The following MOV10L1 variants were observed in gnomAD, a reference collection of about 807,000 sequenced individuals.
MOV10L1 encodes Mov10 like RNA helicase 1, also known as RNA helicase Mov10l1.
Under a neutral mutation model 143.8 loss-of-function variants are expected in MOV10L1, and 110 were observed. The observed-to-expected ratio is 0.76, with a 90% CI of 0.66 to 0.90. The LOEUF is 0.90. Ranked by LOEUF, MOV10L1 falls within the 40% of genes least tolerant of loss-of-function variation. The pLI is 0.00. For synonymous variants in MOV10L1, 593 were observed against 581.1 expected (o/e 1.02, Z -0.29); for missense variants, 1,406 against 1,526.8 (o/e 0.92, Z 1.32).
intron 11 of MOV10L1, 99 bp downstream of exon 11, chr22:50,125,668 G>A (rs779245552): frequency 9.8e-6 from 12 of 1,228,816 alleles, no homozygotes; most frequent in Middle Eastern, 2.9e-4. Flanking sequence ...TCACATTATC[G>A]CATTTTCTTT....
chr22:50,101,731 C>T (rs1447125010), intron 3 of MOV10L1, among the ~76,000 whole-genome samples: 1 of 152,104 alleles, frequency 6.6e-6, no homozygotes, highest in African/African-American at 2.4e-5. Context: ...AGGCTGGTCT[C>T]GAACTCTTGA....
At position 50,130,206 on chromosome 22, in the gene MOV10L1, C is replaced by T. The variant is rs565982391; in HGVS notation, c.1910+1699C>T. The stretch of plus-strand genomic sequence containing the variant: ...AGGAGAATTGCTTGAACCCAGGAGG[C>T]GGAGGTTGCGGTGAGCTGAGATCAT... On this transcript the variant is annotated intron_variant, in intron 13 of 26. Transcript: ENST00000262794. 1.5e-3 allele frequency among the ~76,000 whole-genome samples: 229 copies of T among 152,126 alleles called. 1 individual carries two copies. Among genetic ancestry groups the T allele is most frequent in the African/African-American group, 5.2e-3 (214 of 41,504 alleles).
chr22:50,134,074 T>G lies in MOV10L1; in HGVS notation c.1969+9T>G. ...CCACTTAGGTGTAAAAGGTATTACT[T>G]TTATAGAATGATAGTGTTACATCTT... is the stretch of plus-strand genomic sequence containing the variant. On this transcript the variant is annotated intron_variant, in intron 14 of 26. Transcript: ENST00000262794. 6.2e-7 allele frequency: 1 copy of G among 1,601,274 alleles called. No individual in the cohort carries two copies. Among genetic ancestry groups the G allele is most frequent in the Non-Finnish European group, 8.5e-7 (1 of 1,173,874 alleles).
In MOV10L1 at chr22:50,090,087, C is replaced by A; in HGVS notation, c.-2C>A. On this transcript the variant is annotated 5_prime_UTR_variant, in exon 1 of 27. Transcript: ENST00000262794. ...GACGGCAGCCTAGGCCGGGCGAGGG[C>A]CATGCTGAGCCTCGCAGCCAAGCTG... The A allele has an allele frequency of 2.3e-6, 3 of 1,322,634 alleles. No individual in the cohort carries two copies. Among genetic ancestry groups the A allele is most frequent in the Non-Finnish European group, 2.9e-6 (3 of 1,035,996 alleles). 81.9% of individuals were successfully genotyped at this position (1,322,634 alleles called of 1,614,324 possible).
chr22:50,144,283 C>T (rs1214317305), intron 18 of MOV10L1, 40 bp downstream of exon 18: 1 of 1,562,388 alleles, frequency 6.4e-7, no homozygotes, highest in Admixed American at 1.7e-5. Flanking sequence ...ACCAGAACCC[C>T]TCCCTGGAAC....
chr22:50,105,940 T>C (rs1428577649), intron 3 of MOV10L1, among the ~76,000 whole-genome samples: 1 of 152,252 alleles, frequency 6.6e-6, no homozygotes, highest in Non-Finnish European at 1.5e-5. Context: ...GTGTGCGCTA[T>C]AGCCATCTGA....
intron 15 of MOV10L1, among the ~76,000 whole-genome samples, chr22:50,137,893 AT>A (rs1325995055): frequency 1.3e-5 from 2 of 149,440 alleles, no homozygotes; most frequent in Non-Finnish European, 3.0e-5. Context: ...ATATACACAT[AT>A]TTTTATATGT....
At chr22:50,110,197 A>C (rs11704713) in intron 5 of MOV10L1, among the ~76,000 whole-genome samples, 34,126 of 151,762 alleles carry the variant, frequency 0.22, 4,187 homozygotes, top group Admixed American at 0.35. Flanking sequence ...CGCCCGTAAT[A>C]CCAGCACTTT....
rs775754124 is a variant in MOV10L1, at chr22:50,144,143, C to G, written c.2405C>G (p.Ser802Cys). The G allele has an allele frequency of 3.1e-6, 5 of 1,613,572 alleles. No homozygotes were observed. In the South Asian group the frequency reaches 5.5e-5, roughly 18 times the overall value. The change falls in exon 18 of 27, where the codon TCC becomes TGC. Residue 802 changes from serine to cysteine, a missense_variant. This residue lies in a region of MOV10L1 where 1,233 missense variants were observed against 1,351.4 expected (regional missense o/e 0.91). Transcript: ENST00000262794. Reference protein sequence around the residue: ...PDSRILVCAPSNSAADLVCLR... With the variant: ...PDSRILVCAPCNSAADLVCLR... ...AGTCGGATTTTAGTCTGTGCGCCCTCCAACAGTGCTGCTGACCTCGTGTGT... is the reference window on the plus strand; with the variant it reads ...AGTCGGATTTTAGTCTGTGCGCCCTGCAACAGTGCTGCTGACCTCGTGTGT...
chr22:50,090,049 C>T lies in MOV10L1; in HGVS notation c.-40C>T, dbSNP rs910494979. 1.2e-5 allele frequency: 15 copies of T among 1,206,768 alleles called. No homozygotes were observed. The highest frequency in any genetic ancestry group is 9.6e-5 in the African/African-American group (6 of 62,306). 74.8% of individuals were successfully genotyped at this position (1,206,768 alleles called of 1,614,324 possible). ...GAGCGGCGCGGGCGCGTGCGGGCGG[C>T]GGCAGCGGCGGTGACGGCAGCCTAG... On this transcript the variant is annotated 5_prime_UTR_variant, in exon 1 of 27. Coordinates refer to ENST00000262794, the MANE Select transcript of MOV10L1 (RefSeq NM_018995.3).
At chr22:50,150,567 C>T (rs937407634) in intron 20 of MOV10L1, among the ~76,000 whole-genome samples, 168 bp from the exon 21 acceptor site, 14 of 152,224 alleles carry the variant, frequency 9.2e-5, no homozygotes, top group South Asian at 2.1e-4. Context: ...CGGGGAGAGA[C>T]GGCTCCAAGC....
intron 1 of MOV10L1, 148 bp from the exon 2 acceptor site, chr22:50,091,853 C>T (rs2062452675): frequency 2.9e-6 from 2 of 687,612 alleles, no homozygotes; most frequent in Admixed American, 3.0e-5. Context: ...TGATGGGATT[C>T]TCTCTGTCTC....
rs1221854705 is a variant in MOV10L1, at chr22:50,161,560, G to A, written c.*111G>A. 12 of 1,090,244 alleles carry A rather than the reference G, an allele frequency of 1.1e-5. No individual in the cohort carries two copies. The highest frequency in any genetic ancestry group is 2.7e-5 in the East Asian group (1 of 37,112). 67.5% of individuals were successfully genotyped at this position (1,090,244 alleles called of 1,614,324 possible). A position where few individuals can be genotyped will look rare whatever the true frequency, so the allele number is the denominator to read the frequency against. On this transcript the variant is annotated 3_prime_UTR_variant, in exon 27 of 27. Transcript: ENST00000262794. Reference sequence around the variant, plus strand: ...CCTTGTCTCGCAGCCAGGCAGGGTCGTGTGTGGGTGTGGGGCTGCCAGGTT... The same window carrying A: ...CCTTGTCTCGCAGCCAGGCAGGGTCATGTGTGGGTGTGGGGCTGCCAGGTT...
intron 16 of MOV10L1, 52 bp from the exon 17 acceptor site, chr22:50,142,991 G>C: frequency 6.4e-7 from 1 of 1,567,442 alleles, no homozygotes; most frequent in South Asian, 1.2e-5. Context: ...CGTGTCCACA[G>C]CTGTTGAGAG....
At chr22:50,108,434 T>G (rs1388262395) in intron 4 of MOV10L1, 186 bp downstream of exon 4, 4 of 757,948 alleles carry the variant, frequency 5.3e-6, no homozygotes, top group Non-Finnish European at 9.2e-6. Context: ...TAACTCCTAG[T>G]GCTTGCATAC....
intron 22 of MOV10L1, among the ~76,000 whole-genome samples, chr22:50,155,907 C>G (rs946254138): frequency 6.6e-6 from 1 of 152,024 alleles, no homozygotes; most frequent in South Asian, 2.1e-4. Flanking sequence ...AAAAATTATC[C>G]GGTCATGGTG....
At chr22:50,101,414 A>G (rs1370057469) in intron 3 of MOV10L1, among the ~76,000 whole-genome samples, 1 of 149,434 alleles carries the variant, frequency 6.7e-6, no homozygotes, top group Non-Finnish European at 1.5e-5. Context: ...ACGGGGTTTC[A>G]ATGTGTTAGC....
In MOV10L1 at chr22:50,152,240, C is replaced by A. The variant is rs573381285; in HGVS notation, c.2893-805C>A. On this transcript the variant is annotated intron_variant, in intron 21 of 26. Transcript: ENST00000262794. This position sits in a 1 kb window ranked among gnomAD's most constrained non-coding sequence, Gnocchi z 4.4. ...CTTGTTCTCCCCAGCAGTGTCTCCC[C>A]GAGGGACAGTCAGTGACAGGAGGGC... Among the ~76,000 whole-genome samples the A allele has an allele frequency of 2.6e-5, 4 of 152,316 alleles. No individual in the cohort carries two copies. In the South Asian group the frequency reaches 8.3e-4, roughly 32 times the overall value.
In MOV10L1 at chr22:50,153,041, G is replaced by T. The variant is rs56173861; in HGVS notation, c.2893-4G>T. The T allele has an allele frequency of 1.3e-5, 21 of 1,597,110 alleles. No homozygotes were observed. Among genetic ancestry groups the T allele is most frequent in the Non-Finnish European group, 1.7e-5 (20 of 1,168,092 alleles). On this transcript the variant is annotated splice_polypyrimidine_tract_variant and splice_region_variant and intron_variant, in intron 21 of 26. Transcript: ENST00000262794. ...CCTTGTGACCCATCACCATCTCCTC[G>T]CAGGTCACAAAGCTGGTGAAGAACT...
Sources: allele counts gnomAD v4.1 joint callset (sites outside exome capture counted in the v4.1 genomes callset), GRCh38; gene constraint gnomAD v4.1.1; regional missense constraint gnomAD v4.1.1; non-coding constraint Gnocchi (gnomAD v3.1); transcripts MANE v1.5; gene names NCBI Gene and HGNC (gene_info 2026-07-23, HGNC 2026-07-21).